Variants in KCNJ3 observed in about 807,000 individuals in gnomAD.
KCNJ3 encodes potassium inwardly rectifying channel subfamily J member 3.
A neutral mutation model predicts 39.2 loss-of-function variants in KCNJ3; 4 were observed. The observed-to-expected ratio is 0.10, with a 90% confidence interval of 0.05 to 0.23. The LOEUF is 0.23. Among genes scored for constraint, KCNJ3 ranks in the 10% least tolerant of loss-of-function variants. The pLI, the probability that KCNJ3 is intolerant of heterozygous loss-of-function variation, is 1.00. For missense variants in KCNJ3, 276 were observed against 634.9 expected (o/e 0.43, Z 6.08); for synonymous variants, 230 against 237.4 (o/e 0.97, Z 0.29).
chr2:154,800,907 A>G (rs1386870118), intron 2 of KCNJ3, among the ~76,000 whole-genome samples: 3 of 152,222 alleles, frequency 2.0e-5, no homozygotes, highest in Admixed American at 2.0e-4. Context: ...TCTTGGCGGT[A>G]CCATCGCCAT....
Position 154,748,382 on chromosome 2 carries a change from G to A in KCNJ3, c.919+38563G>A, listed in dbSNP as rs182793137. Reference sequence around the variant, plus strand: ...AAATACATGGGCATATTGAAGGTACGATAGTGCTCCTTCCTTGTTCCCTTT... The same window carrying A: ...AAATACATGGGCATATTGAAGGTACAATAGTGCTCCTTCCTTGTTCCCTTT... On this transcript the variant is annotated intron_variant, in intron 2 of 2. Transcript: ENST00000295101. Among the ~76,000 whole-genome samples the A allele has an allele frequency of 1.2e-4, 19 of 152,102 alleles. No homozygotes were observed. The East Asian group carries it at 3.5e-3, about 28-fold the overall frequency.
chr2:154,716,276 ATTT>A (rs535989708), intron 2 of KCNJ3, among the ~76,000 whole-genome samples: 2,949 of 115,452 alleles, frequency 0.026, 37 homozygotes, highest in African/African-American at 0.057. Context: ...CGGCCGGCTA[ATTT>A]TTTTTTTTTT....
rs558299371 is a variant in KCNJ3, at chr2:154,768,224, C to A, written c.919+58405C>A. Among the ~76,000 whole-genome samples, 19 of 152,300 alleles carry A rather than the reference C, an allele frequency of 1.2e-4. No homozygotes were observed. In the South Asian group the frequency reaches 3.9e-3, roughly 32 times the overall value. ...CATTTGTCAATTTTGTCTTTTGTTG[C>A]CATTGCATTTGGCATTTTAGTCATG... On this transcript the variant is annotated intron_variant, in intron 2 of 2. Coordinates refer to ENST00000295101, the MANE Select transcript of KCNJ3 (RefSeq NM_002239.4).
chr2:154,774,945 C>A (rs1490078115), intron 2 of KCNJ3, among the ~76,000 whole-genome samples: 1 of 152,094 alleles, frequency 6.6e-6, no homozygotes, highest in East Asian at 1.9e-4. Context: ...GACAGGGTCT[C>A]ACTCTGTTGC....
At chr2:154,824,455 C>T (rs947194788) in intron 2 of KCNJ3, among the ~76,000 whole-genome samples, 1 of 152,110 alleles carries the variant, frequency 6.6e-6, no homozygotes, top group Non-Finnish European at 1.5e-5. Context: ...TATTAAACAT[C>T]AGCTTTTCAT....
At chr2:154,788,382 C>T (rs370822257) in intron 2 of KCNJ3, among the ~76,000 whole-genome samples, 2 of 152,014 alleles carry the variant, frequency 1.3e-5, no homozygotes, top group East Asian at 1.9e-4. Context: ...AGCCAGTGGT[C>T]CCAGTGAATA....
chr2:154,714,958 G>A (rs974474987), intron 2 of KCNJ3, among the ~76,000 whole-genome samples: 11 of 152,172 alleles, frequency 7.2e-5, no homozygotes, highest in Non-Finnish European at 2.9e-5. Context: ...GATTGGGAGT[G>A]TAGGGAGGTC....
chr2:154,839,563 C>T (rs2105128053), intron 2 of KCNJ3, among the ~76,000 whole-genome samples: 1 of 152,292 alleles, frequency 6.6e-6, no homozygotes, highest in Non-Finnish European at 1.5e-5. Flanking sequence ...AGTGTAAAAG[C>T]ATTCCTATTT....
intron 2 of KCNJ3, among the ~76,000 whole-genome samples, chr2:154,735,193 T>A (rs140088868): frequency 1.3e-5 from 2 of 151,570 alleles, no homozygotes; most frequent in African/African-American, 4.8e-5. Flanking sequence ...TTCACACCAT[T>A]CTCCTGCCTC....
chr2:154,799,104 C>A (rs1686766994), intron 2 of KCNJ3, among the ~76,000 whole-genome samples: 1 of 152,036 alleles, frequency 6.6e-6, no homozygotes, highest in African/African-American at 2.4e-5. Flanking sequence ...ACTCCACAGT[C>A]AAAAGAAAAG....
At chr2:154,771,902 A>T (rs959714125) in intron 2 of KCNJ3, among the ~76,000 whole-genome samples, 3 of 152,212 alleles carry the variant, frequency 2.0e-5, no homozygotes, top group Non-Finnish European at 1.5e-5. Flanking sequence ...GGAGTACAAT[A>T]GTGGTGGCTT....
At chr2:154,713,149 G>C (rs963328749) in intron 2 of KCNJ3, among the ~76,000 whole-genome samples, 6 of 151,914 alleles carry the variant, frequency 3.9e-5, no homozygotes, top group African/African-American at 1.5e-4. Context: ...TTAAAAAGCA[G>C]AGCCTGTATT....
chr2:154,843,771 A>G (rs1429707333), intron 2 of KCNJ3, among the ~76,000 whole-genome samples: 1 of 152,174 alleles, frequency 6.6e-6, no homozygotes, highest in Admixed American at 6.5e-5. Flanking sequence ...TTCTCATGCC[A>G]TGGTTTTCAG....
intron 2 of KCNJ3, among the ~76,000 whole-genome samples, chr2:154,827,397 T>C (rs1687288249): frequency 6.6e-6 from 1 of 152,298 alleles, no homozygotes; most frequent in South Asian, 2.1e-4. Context: ...ATTATCGTCC[T>C]GTGACTTAAT....
At chr2:154,793,096 T>C (rs1181380000) in intron 2 of KCNJ3, among the ~76,000 whole-genome samples, 1 of 152,092 alleles carries the variant, frequency 6.6e-6, no homozygotes, top group Non-Finnish European at 1.5e-5. Flanking sequence ...GAATATAGTA[T>C]AGTTTTTAAG....
intron 2 of KCNJ3, among the ~76,000 whole-genome samples, chr2:154,793,663 G>A (rs189109542): frequency 2.2e-4 from 33 of 151,964 alleles, no homozygotes; most frequent in Middle Eastern, 3.4e-3. Context: ...TTTTAGTTTC[G>A]CCAAGTATTA....
chr2:154,836,024 A>AAACATGTAAG (rs1328491225), intron 2 of KCNJ3, among the ~76,000 whole-genome samples: 55 of 152,210 alleles, frequency 3.6e-4, no homozygotes, highest in East Asian at 2.9e-3. Context: ...CAGCCTGGCC[A>AAACATGTAAG]ACATGGCGAA....
At chr2:154,721,506 A>G (rs932430264) in intron 2 of KCNJ3, among the ~76,000 whole-genome samples, 7 of 152,172 alleles carry the variant, frequency 4.6e-5, no homozygotes, top group African/African-American at 1.7e-4. Flanking sequence ...TGAACTGATC[A>G]TTTAATCATA....
intron 2 of KCNJ3, among the ~76,000 whole-genome samples, chr2:154,741,405 T>G (rs1685652274): frequency 6.7e-6 from 1 of 150,304 alleles, no homozygotes; most frequent in African/African-American, 2.5e-5. Flanking sequence ...TTAACTTTGA[T>G]ATGTCATTTT....
Sources: allele counts gnomAD v4.1 joint callset (sites outside exome capture counted in the v4.1 genomes callset), GRCh38; gene constraint gnomAD v4.1.1; transcripts MANE v1.5; gene names NCBI Gene and HGNC (gene_info 2026-07-23, HGNC 2026-07-21).